Variants in NALF1 observed in about 807,000 individuals in gnomAD.
NALF1 encodes NALCN channel auxiliary factor 1.
Under a neutral mutation model 48.4 loss-of-function variants are expected in NALF1, and 3 were observed. The observed-to-expected ratio is 0.06, with a 90% confidence interval of 0.03 to 0.16. The LOEUF (loss-of-function observed/expected upper bound fraction) is 0.16. Ranked by LOEUF, NALF1 falls within the 10% of genes least tolerant of loss-of-function variation. The probability of loss-of-function intolerance (pLI) is 1.00; values close to 1 mark genes in which losing one functional copy is unlikely to be tolerated. For missense variants in NALF1, 526 were observed against 571.5 expected, an observed-to-expected ratio of 0.92 and a Z score of 0.81; for synonymous variants, 262 against 245.7, an observed-to-expected ratio of 1.07 and a Z score of -0.62.
At chr13:107,598,867 C>A (rs1029276373) in intron 1 of NALF1, among the ~76,000 whole-genome samples, 4 of 152,134 alleles carry the variant, frequency 2.6e-5, no homozygotes, top group African/African-American at 9.7e-5. Flanking sequence ...TCTCACTTAT[C>A]ATGATCTGAC....
intron 1 of NALF1, among the ~76,000 whole-genome samples, chr13:107,618,187 A>G (rs1234840116): frequency 1.3e-5 from 2 of 152,128 alleles, no homozygotes; most frequent in Non-Finnish European, 2.9e-5. Flanking sequence ...AAGAAAAGAG[A>G]TTTCAGCTGA....
chr13:107,645,863 G>C (rs1019158590), intron 1 of NALF1, among the ~76,000 whole-genome samples: 6 of 152,018 alleles, frequency 3.9e-5, no homozygotes, highest in Non-Finnish European at 8.8e-5. Context: ...TCATTCCCGA[G>C]TATCATAGCA....
At chr13:107,406,304 TA>T (rs1013434755) in intron 1 of NALF1, among the ~76,000 whole-genome samples, 1 of 151,880 alleles carries the variant, frequency 6.6e-6, no homozygotes, top group Non-Finnish European at 1.5e-5. Flanking sequence ...GATGAATGGA[TA>T]AAAAAAGACC....
chr13:107,395,912 T>C (rs1256045863), intron 1 of NALF1, among the ~76,000 whole-genome samples: 1 of 151,614 alleles, frequency 6.6e-6, no homozygotes, highest in Non-Finnish European at 1.5e-5. Context: ...AATAACCTCT[T>C]TAGAGACCCT....
At chr13:107,204,967 T>C (rs950477036) in intron 2 of NALF1, among the ~76,000 whole-genome samples, 2 of 152,146 alleles carry the variant, frequency 1.3e-5, no homozygotes, top group African/African-American at 4.8e-5. Flanking sequence ...GTATTTTTTT[T>C]TTCTACTGAA....
intron 1 of NALF1, among the ~76,000 whole-genome samples, chr13:107,643,896 T>C (rs1421084225): frequency 2.0e-5 from 3 of 151,754 alleles, no homozygotes; most frequent in East Asian, 3.9e-4. Flanking sequence ...CAGCTAGATT[T>C]TCCATTGAGA....
At chr13:107,469,523 T>C (rs1885062117) in intron 1 of NALF1, among the ~76,000 whole-genome samples, 1 of 152,150 alleles carries the variant, frequency 6.6e-6, no homozygotes, top group Non-Finnish European at 1.5e-5. Context: ...TTACATCAAA[T>C]AGTGTTGTAT....
intron 1 of NALF1, among the ~76,000 whole-genome samples, chr13:107,300,065 A>G (rs888241413): frequency 3.9e-5 from 6 of 152,188 alleles, no homozygotes; most frequent in African/African-American, 1.4e-4. Context: ...TAAGATTTGC[A>G]GGGGGCTGGA....
At chr13:107,815,915 T>C (rs978719930) in intron 1 of NALF1, among the ~76,000 whole-genome samples, 1 of 152,200 alleles carries the variant, frequency 6.6e-6, no homozygotes, top group African/African-American at 2.4e-5. Flanking sequence ...TTATGTAAAT[T>C]GTTCAAGACA....
chr13:107,786,416 CAAAAAAAAAAAAA>C (rs34857705), intron 1 of NALF1, among the ~76,000 whole-genome samples: 1 of 29,714 alleles, frequency 3.4e-5, no homozygotes, highest in Non-Finnish European at 5.9e-5. Flanking sequence ...AACTCTTTCT[CAAAAAAAAAAAAA>C]AAAAAAAAAA....
intron 1 of NALF1, among the ~76,000 whole-genome samples, chr13:107,433,054 A>T (rs1195337122): frequency 6.6e-6 from 1 of 152,020 alleles, no homozygotes; most frequent in African/African-American, 2.4e-5. Context: ...TCTCAAGATA[A>T]TCTTTAATGT....
intron 1 of NALF1, among the ~76,000 whole-genome samples, chr13:107,454,399 C>T (rs1364692924): frequency 6.6e-6 from 1 of 152,168 alleles, no homozygotes; most frequent in East Asian, 1.9e-4. Flanking sequence ...GCACCTTCTT[C>T]ACTAGGTGGC....
chr13:107,772,850 A>G (rs1451927531), intron 1 of NALF1, among the ~76,000 whole-genome samples: 1 of 152,186 alleles, frequency 6.6e-6, no homozygotes, highest in Non-Finnish European at 1.5e-5. Flanking sequence ...AGTTTTTTTA[A>G]TGCCACATTT....
intron 1 of NALF1, among the ~76,000 whole-genome samples, chr13:107,794,366 G>A (rs754728437): frequency 2.0e-5 from 3 of 151,422 alleles, no homozygotes; most frequent in African/African-American, 4.9e-5. Flanking sequence ...CTTTTTTCCC[G>A]GTACTATTAG....
intron 1 of NALF1, among the ~76,000 whole-genome samples, chr13:107,651,985 A>G (rs1880460337): frequency 6.6e-6 from 1 of 152,238 alleles, no homozygotes; most frequent in Non-Finnish European, 1.5e-5. Flanking sequence ...ATCATAAACT[A>G]GAAGACTTAA....
intron 1 of NALF1, among the ~76,000 whole-genome samples, chr13:107,619,387 A>G (rs942107526): frequency 2.0e-5 from 3 of 152,170 alleles, no homozygotes; most frequent in Admixed American, 2.0e-4. Context: ...ATAAATCAAG[A>G]ACTTTTATTG....
chr13:107,373,653 G>A (rs1334594657), intron 1 of NALF1, among the ~76,000 whole-genome samples: 2 of 152,182 alleles, frequency 1.3e-5, no homozygotes, highest in Admixed American at 6.6e-5. Flanking sequence ...CAGCACTCAC[G>A]CCTTTCTAAG....
rs115735789 is a variant in NALF1, at chr13:107,332,102, C to A, written c.916-121347G>T. Reference sequence around the variant, plus strand: ...TAAGGTTTAGTTTCTGATATTAGGTCTTTGCAAACAAACCCATTTTGTTTA... The same window carrying A: ...TAAGGTTTAGTTTCTGATATTAGGTATTTGCAAACAAACCCATTTTGTTTA... On this transcript the variant is annotated intron_variant, in intron 1 of 2. Transcript: ENST00000375915. Among the ~76,000 whole-genome samples the A allele has an allele frequency of 8.3e-3, 1,258 of 152,254 alleles. 19 individuals are homozygous for A. The highest frequency in any genetic ancestry group is 0.029 in the African/African-American group (1,198 of 41,544).
intron 1 of NALF1, among the ~76,000 whole-genome samples, chr13:107,238,905 A>G (rs1351832222): frequency 2.0e-5 from 3 of 152,156 alleles, no homozygotes; most frequent in Non-Finnish European, 2.9e-5. Context: ...TTATTCAGAG[A>G]TATTTTTTGT....
Sources: gnomAD v4.1 joint callset for allele counts (sites outside exome capture counted in the v4.1 genomes callset) on GRCh38, gnomAD v4.1.1 for gene constraint, MANE v1.5 for transcripts, NCBI Gene and HGNC (gene_info 2026-07-23, HGNC 2026-07-21) for gene names.